The following LARS1 variants were observed in gnomAD, a reference collection of about 807,000 sequenced individuals.
The protein encoded by LARS1 is leucine--tRNA ligase, cytoplasmic.
In LARS1, 100 loss-of-function variants were observed where a neutral mutation model predicts 162.8. That is an observed-to-expected ratio of 0.61 (90% CI 0.52 to 0.73). LARS1 has a LOEUF of 0.73. Ranked by LOEUF, LARS1 falls within the 30% of genes least tolerant of loss-of-function variation. The probability of loss-of-function intolerance (pLI) is 0.00; values close to 1 mark genes in which losing one functional copy is unlikely to be tolerated. For synonymous variants in LARS1, 457 were observed against 462.8 expected, an observed-to-expected ratio of 0.99 and a Z score of 0.16; for missense variants, 1,258 against 1,408.9, an observed-to-expected ratio of 0.89 and a Z score of 1.71.
At chr5:146,135,798 A>T in intron 21 of LARS1, 134 bp from the exon 22 acceptor site, 1 of 597,286 alleles carries the variant, frequency 1.7e-6, no homozygotes, top group Non-Finnish European at 2.8e-6. Flanking sequence ...AGGAAAAGAT[A>T]TTACACTAAT....
At chr5:146,176,280 C>T (rs538812578) in intron 2 of LARS1, among the ~76,000 whole-genome samples, 120 of 151,784 alleles carry the variant, frequency 7.9e-4, no homozygotes, top group African/African-American at 2.7e-3. Context: ...GGTAAAACCC[C>T]GTCTCTACTA....
chr5:146,172,071 T>C, intron 3 of LARS1, 81 bp from the exon 4 acceptor site: 1 of 1,279,614 alleles, frequency 7.8e-7, no homozygotes, highest in Non-Finnish European at 1.1e-6. Flanking sequence ...ACAAAAAAAT[T>C]AGTTTTCTTC....
At chr5:146,181,817 G>A (rs1311299663) in intron 1 of LARS1, among the ~76,000 whole-genome samples, 1 of 55,746 alleles carries the variant, frequency 1.8e-5, no homozygotes, top group Non-Finnish European at 3.8e-5. Context: ...AGAGATTTTT[G>A]TCTGTTTTAC....
rs762857736 is a variant in LARS1, at chr5:146,120,447, G to C, written c.3249C>G (p.Thr1083=). The C allele has an allele frequency of 1.2e-6, 2 of 1,613,258 alleles. No individual in the cohort carries two copies. The highest frequency in any genetic ancestry group is 2.2e-5 in the South Asian group (2 of 91,030). Residue 1083 remains threonine (T), a synonymous_variant, in exon 31 of 32, where the codon ACC becomes ACG. Coordinates refer to ENST00000394434, the MANE Select transcript of LARS1 (RefSeq NM_020117.11). ...TATCTCCTTGCCTGATTTCAATTTT[G>C]GTTGAGAAGTGGCCATTGGATGGCT... is the stretch of plus-strand genomic sequence containing the variant. ...NPQPSNGHFS[T]KIEIRQGDNC...
chr5:146,147,152 T>C (rs543699355), intron 15 of LARS1, among the ~76,000 whole-genome samples: 7 of 152,188 alleles, frequency 4.6e-5, no homozygotes, highest in Non-Finnish European at 5.9e-5. Flanking sequence ...CAGTGAAGCC[T>C]AGTGACAAGT....
intron 5 of LARS1, among the ~76,000 whole-genome samples, chr5:146,167,087 G>A (rs1368029099): frequency 4.6e-5 from 7 of 152,054 alleles, no homozygotes; most frequent in Non-Finnish European, 4.4e-5. Flanking sequence ...ACCCGTATTC[G>A]TTAAAAGTAT....
intron 13 of LARS1, 33 bp from the exon 14 acceptor site, chr5:146,152,035 A>G (rs376646240): frequency 5.5e-5 from 88 of 1,611,598 alleles, no homozygotes; most frequent in Middle Eastern, 4.9e-4. Flanking sequence ...ACGTGTTCAC[A>G]CTGACTGGAC....
intron 20 of LARS1, 66 bp downstream of exon 20, chr5:146,142,806 T>C: frequency 8.4e-7 from 1 of 1,185,090 alleles, no homozygotes. Context: ...TTATTAGATA[T>C]TTGAAGCCAC....
intron 31 of LARS1, among the ~76,000 whole-genome samples, chr5:146,117,163 G>C (rs1350566836): frequency 6.6e-6 from 1 of 152,036 alleles, no homozygotes; most frequent in Non-Finnish European, 1.5e-5. Flanking sequence ...GGCTCAATGA[G>C]AAAAGACAAG....
intron 20 of LARS1, among the ~76,000 whole-genome samples, chr5:146,141,596 G>A (rs985766559): frequency 6.6e-6 from 1 of 151,952 alleles, no homozygotes; most frequent in African/African-American, 2.4e-5. Flanking sequence ...TTGAGTCCAG[G>A]AGTTTGAGAC....
At chr5:146,171,174 C>T (rs776584458) in intron 4 of LARS1, among the ~76,000 whole-genome samples, 7 of 151,806 alleles carry the variant, frequency 4.6e-5, no homozygotes, top group East Asian at 3.9e-4. Flanking sequence ...CTAGCCAACA[C>T]GGGGAAACCT....
In LARS1 at chr5:146,167,269, A is replaced by C. The variant is rs1470434693; in HGVS notation, c.432+859T>G. ...GTAGTTTAGTAAACACTACTGTACT[A>C]ATGTTAATTCCTTAATTTGAAAAAT... On this transcript the variant is annotated intron_variant, in intron 5 of 31. Transcript: ENST00000394434. Among the ~76,000 whole-genome samples, 5 of 152,240 alleles carry C rather than the reference A, an allele frequency of 3.3e-5. 1 individual carries two copies. The highest frequency in any genetic ancestry group is 1.5e-5 in the Non-Finnish European group (1 of 68,046).
chr5:146,125,707 TG>T (rs67815855), intron 28 of LARS1, among the ~76,000 whole-genome samples: 33,759 of 151,828 alleles, frequency 0.22, 4,808 homozygotes, highest in Admixed American at 0.33. Context: ...AAGATTTTTC[TG>T]GCCCCATAGC....
chr5:146,153,994 A>C lies in LARS1; in HGVS notation c.1066-14T>G. The C allele has an allele frequency of 6.4e-7, 1 of 1,551,080 alleles. No homozygotes were observed. Among genetic ancestry groups the C allele is most frequent in the Non-Finnish European group, 8.8e-7 (1 of 1,135,974 alleles). On this transcript the variant is annotated splice_polypyrimidine_tract_variant and intron_variant, in intron 10 of 31. Coordinates refer to ENST00000394434, the MANE Select transcript of LARS1 (RefSeq NM_020117.11). The stretch of plus-strand genomic sequence containing the variant: ...ACCAAGAATTTCCTGCATAAGAAAA[A>C]AATCAATATAAAAGGTGAAGTAATT...
Position 146,114,060 on chromosome 5 carries a change from A to G in LARS1, c.*46T>C, listed in dbSNP as rs1378598535. The G allele has an allele frequency of 2.9e-6, 4 of 1,397,576 alleles. No homozygotes were observed. The African/African-American group carries it at 5.7e-5, about 20-fold the overall frequency. 86.6% of individuals were successfully genotyped at this position (1,397,576 alleles called of 1,614,324 possible). A position where few individuals can be genotyped will look rare whatever the true frequency, so the allele number is the denominator to read the frequency against. On this transcript the variant is annotated 3_prime_UTR_variant, in exon 32 of 32. Transcript: ENST00000394434. The stretch of plus-strand genomic sequence containing the variant: ...GCCAATCAGTAGACACAATCAGAGT[A>G]GTAGTATTCCTAAGAAACCAGGATA...
intron 27 of LARS1, among the ~76,000 whole-genome samples, chr5:146,127,438 T>C (rs905961373): frequency 6.6e-6 from 1 of 152,016 alleles, no homozygotes; most frequent in Non-Finnish European, 1.5e-5. Flanking sequence ...GATGAAAACA[T>C]ACAAAAATCT....
intron 10 of LARS1, among the ~76,000 whole-genome samples, chr5:146,156,934 AAAAATAAAATATGCTATCTT>A (rs772728962): frequency 6.6e-6 from 1 of 152,204 alleles, no homozygotes; most frequent in African/African-American, 2.4e-5. Context: ...GTTGAAACCT[AAAAATAAAATATGCTATCTT>A]AATGATACAG....
Position 146,164,303 on chromosome 5 carries a change from GACAT to G in LARS1, c.594+3_594+6del. The G allele has an allele frequency of 1.2e-6, 2 of 1,611,812 alleles. No individual in the cohort carries two copies. The highest frequency in any genetic ancestry group is 1.7e-6 in the Non-Finnish European group (2 of 1,178,166). Reference sequence around the variant, plus strand: ...ATGCTTTCCTCATATTTCCTTTATAGACATACCTTCAAACCCATTCTTTTTAAAT... The same window carrying G: ...ATGCTTTCCTCATATTTCCTTTATAGACCTTCAAACCCATTCTTTTTAAAT... On this transcript the variant is annotated splice_donor_5th_base_variant and intron_variant, in intron 6 of 31. Transcript: ENST00000394434.
At chr5:146,141,607 C>T (rs1308153428) in intron 20 of LARS1, among the ~76,000 whole-genome samples, 1 of 151,504 alleles carries the variant, frequency 6.6e-6, no homozygotes, top group Non-Finnish European at 1.5e-5. Context: ...AGTTTGAGAC[C>T]AGCCTGGGCA....
Sources: gnomAD v4.1 joint callset for allele counts (sites outside exome capture counted in the v4.1 genomes callset) on GRCh38, gnomAD v4.1.1 for gene constraint, MANE v1.5 for transcripts, NCBI Gene and HGNC (gene_info 2026-07-23, HGNC 2026-07-21) for gene names.